Variants in CHD6 observed in about 807,000 individuals in gnomAD.
CHD6 encodes chromodomain helicase DNA binding protein 6.
Under a neutral mutation model 276.9 loss-of-function variants are expected in CHD6, and 50 were observed. That is an observed-to-expected ratio of 0.18 (90% confidence interval 0.14 to 0.23). The LOEUF (loss-of-function observed/expected upper bound fraction) is 0.23. Ranked by LOEUF, CHD6 falls within the 10% of genes least tolerant of loss-of-function variation. The probability of loss-of-function intolerance (pLI) is 1.00; values close to 1 mark genes in which losing one functional copy is unlikely to be tolerated. For missense variants in CHD6, 2,564 were observed against 3,365.8 expected (o/e 0.76, Z 5.89); for synonymous variants, 1,173 against 1,229.3 (o/e 0.95, Z 0.96).
intron 3 of CHD6, among the ~76,000 whole-genome samples, chr20:41,526,288 C>T (rs966622744): frequency 6.6e-6 from 1 of 152,172 alleles, no homozygotes; most frequent in Non-Finnish European, 1.5e-5. Context: ...ACTGAGGACT[C>T]ATACACACCG....
At chr20:41,524,642 A>T (rs1004166702) in intron 3 of CHD6, among the ~76,000 whole-genome samples, 2 of 152,188 alleles carry the variant, frequency 1.3e-5, no homozygotes, top group African/African-American at 4.8e-5. Flanking sequence ...AACCCCAAAT[A>T]CGCTCATGCT....
At chr20:41,511,522 A>G (rs2044118637) in intron 5 of CHD6, among the ~76,000 whole-genome samples, 1 of 152,152 alleles carries the variant, frequency 6.6e-6, no homozygotes, top group Non-Finnish European at 1.5e-5. Flanking sequence ...AACTGCTAAA[A>G]TGCAAATATA....
intron 1 of CHD6, among the ~76,000 whole-genome samples, chr20:41,569,163 G>C (rs1476149094): frequency 6.6e-6 from 1 of 152,188 alleles, no homozygotes; most frequent in Non-Finnish European, 1.5e-5. Flanking sequence ...GATGAGGCAG[G>C]TGGCTAGCAA....
At chr20:41,453,230 C>CG (rs985440716) in intron 20 of CHD6, among the ~76,000 whole-genome samples, 18 of 152,144 alleles carry the variant, frequency 1.2e-4, no homozygotes, top group African/African-American at 4.1e-4. Context: ...AAGGCCCCCC[C>CG]CCAGTGACCA....
chr20:41,520,349 C>T (rs1395914958), intron 3 of CHD6, among the ~76,000 whole-genome samples: 1 of 152,146 alleles, frequency 6.6e-6, no homozygotes, highest in East Asian at 1.9e-4. Context: ...ATAAATCATG[C>T]TGCTATAAAG....
At position 41,445,699 on chromosome 20, in the gene CHD6, G is replaced by A. The variant is rs369549441; in HGVS notation, c.3843C>T (p.Ala1281=). Residue 1281 remains alanine (A), a synonymous_variant, in exon 25 of 37, where the codon GCC becomes GCT. Transcript: ENST00000373233. ...EIPVDWWDAE[A]DKSLLIGVFK... ...ACACGCCAATGAGAAGTGACTTATC[G>A]GCTTCAGCATCCCACCAGTCCACTG... 91 of 1,613,578 alleles carry A rather than the reference G, an allele frequency of 5.6e-5. No individual in the cohort carries two copies. In the African/African-American group the frequency reaches 9.2e-4, roughly 16 times the overall value.
intron 27 of CHD6, among the ~76,000 whole-genome samples, chr20:41,436,889 A>G (rs559046608): frequency 2.7e-4 from 41 of 152,342 alleles, no homozygotes; most frequent in African/African-American, 9.4e-4. Flanking sequence ...GGATGTGGTT[A>G]TAAGACAGCA....
At chr20:41,547,475 C>T (rs536675661) in intron 2 of CHD6, 3 of 362,732 alleles carry the variant, frequency 8.3e-6, no homozygotes, top group East Asian at 6.9e-5. Context: ...TGAGGTGCAC[C>T]GGGGGTGAAG....
At chr20:41,498,093 A>G (rs1253211400) in intron 7 of CHD6, 75 bp downstream of exon 7, 1 of 1,012,416 alleles carries the variant, frequency 9.9e-7, no homozygotes, top group Admixed American at 1.9e-5. Flanking sequence ...GATGTAGAAG[A>G]TAATAAAGTC....
chr20:41,403,669 G>C lies in CHD6; in HGVS notation c.*924C>G. 9.4e-7 allele frequency: 1 copy of C among 1,060,136 alleles called. No individual in the cohort carries two copies. 65.7% of individuals were successfully genotyped at this position (1,060,136 alleles called of 1,614,324 possible). On this transcript the variant is annotated 3_prime_UTR_variant, in exon 37 of 37. Transcript: ENST00000373233. ...GGCTCCAGAAAGAACCTTATTCTTG[G>C]TGAAGGAAAGCCTGAAGTGAAAATC... is the stretch of plus-strand genomic sequence containing the variant.
rs1296459183 is a variant in CHD6 at position 41,487,852 on chromosome 20, A to G, written c.1858-44T>C. On this transcript the variant is annotated intron_variant, in intron 13 of 36. Transcript: ENST00000373233. ...CATGATGGACAGTGCTTGAGCCATC[A>G]AAATAGTGCATTTTCGTGGGGAAAA... The G allele has an allele frequency of 3.2e-6, 5 of 1,574,106 alleles. No individual in the cohort carries two copies. The African/African-American group carries it at 7.0e-5, about 22-fold the overall frequency.
At chr20:41,522,610 C>T (rs527524332) in intron 3 of CHD6, among the ~76,000 whole-genome samples, 5 of 152,124 alleles carry the variant, frequency 3.3e-5, no homozygotes, top group Admixed American at 6.5e-5. Flanking sequence ...GCCTGACATA[C>T]GTAACTTGTT....
In CHD6 at chr20:41,402,996, T is replaced by C. The variant is rs2046573821; in HGVS notation, c.*1597A>G. On this transcript the variant is annotated 3_prime_UTR_variant, in exon 37 of 37. Coordinates refer to ENST00000373233, the MANE Select transcript of CHD6 (RefSeq NM_032221.5). ...TTTTTGAAGATACATCTGATTGATT[T>C]TTTTCAGTCATGATTTAACAGACTT... 4.8e-6 allele frequency: 1 copy of C among 209,166 alleles called. No homozygotes were observed. The highest frequency in any genetic ancestry group is 1.9e-4 in the South Asian group (1 of 5,356). 13.0% of individuals were successfully genotyped at this position (209,166 alleles called of 1,614,324 possible).
chr20:41,607,058 T>C (rs1431628594), intron 1 of CHD6, among the ~76,000 whole-genome samples: 1 of 152,028 alleles, frequency 6.6e-6, no homozygotes, highest in African/African-American at 2.4e-5. Flanking sequence ...ATCTCCAACC[T>C]ATCCCTCCTC....
At chr20:41,611,830 G>A (rs1399873610) in intron 1 of CHD6, among the ~76,000 whole-genome samples, 1 of 152,108 alleles carries the variant, frequency 6.6e-6, no homozygotes, top group Non-Finnish European at 1.5e-5. Flanking sequence ...TAGAGACAGG[G>A]TTTCACAATG....
chr20:41,564,288 A>G (rs1168346032), intron 1 of CHD6: 2 of 577,212 alleles, frequency 3.5e-6, no homozygotes, highest in African/African-American at 3.7e-5. Flanking sequence ...ATAAGACACA[A>G]AAAACTCACA....
chr20:41,476,319 A>G (rs918377837), intron 16 of CHD6, among the ~76,000 whole-genome samples: 3 of 152,074 alleles, frequency 2.0e-5, no homozygotes, highest in Non-Finnish European at 2.9e-5. Context: ...ATCAAATACT[A>G]TCAAGTATCA....
chr20:41,453,699 CCCCTT>C, intron 20 of CHD6, among the ~76,000 whole-genome samples: 1 of 152,214 alleles, frequency 6.6e-6, no homozygotes, highest in Non-Finnish European at 1.5e-5. Flanking sequence ...AGTGCTTTCT[CCCCTT>C]GCTTGGACCC....
At chr20:41,435,430 C>CA (rs199497725) in intron 27 of CHD6, among the ~76,000 whole-genome samples, 8 of 151,530 alleles carry the variant, frequency 5.3e-5, no homozygotes, top group Non-Finnish European at 1.0e-4. Flanking sequence ...CCTGTCTCTA[C>CA]AAAAAAACAG....
Sources: allele counts gnomAD v4.1 joint callset (sites outside exome capture counted in the v4.1 genomes callset), GRCh38; gene constraint gnomAD v4.1.1; transcripts MANE v1.5; gene names NCBI Gene and HGNC (gene_info 2026-07-23, HGNC 2026-07-21).